The following BCLAF1 variants were observed in gnomAD, a reference collection of about 807,000 sequenced individuals.
BCLAF1 encodes the protein bcl-2-associated transcription factor 1.
A neutral mutation model predicts 99.5 loss-of-function variants in BCLAF1; 10 were observed. That is an observed-to-expected ratio of 0.10 (90% CI 0.06 to 0.17). The LOEUF (loss-of-function observed/expected upper bound fraction) is 0.17, where lower values mean the gene tolerates loss of function less well. Ranked by LOEUF, BCLAF1 falls within the 10% of genes least tolerant of loss-of-function variation. BCLAF1 has a pLI of 1.00. For missense variants in BCLAF1, 636 were observed against 1,105.8 expected, an observed-to-expected ratio of 0.58 and a Z score of 6.02; for synonymous variants, 255 against 370.9, an observed-to-expected ratio of 0.69 and a Z score of 3.59.
Position 136,275,623 on chromosome 6 carries a change from G to A in BCLAF1, c.1761C>T (p.Ser587=), listed in dbSNP as rs773846951. Residue 587 remains serine, a synonymous_variant, in exon 6 of 13, where the codon TCC becomes TCT. Transcript: ENST00000531224. ...HSVKKEQEFR[S]IFDHIKLPQA... The stretch of plus-strand genomic sequence containing the variant: ...GTGGCAACTTAATGTGGTCAAAGAT[G>A]GATCGGAATTCTTGCTCCTTCTTGA... The A allele has an allele frequency of 1.3e-6, 2 of 1,598,252 alleles. No individual in the cohort carries two copies. The highest frequency in any genetic ancestry group is 3.4e-4 in the Middle Eastern group (2 of 5,962).
At chr6:136,281,042 A>G (rs718185) in intron 2 of BCLAF1, among the ~76,000 whole-genome samples, 317 of 152,314 alleles carry the variant, frequency 2.1e-3, no homozygotes, top group African/African-American at 7.3e-3. Flanking sequence ...GGAGGTACTA[A>G]GATGAGTTCA....
chr6:136,288,341 T>C (rs1785447043), intron 1 of BCLAF1, among the ~76,000 whole-genome samples: 1 of 152,070 alleles, frequency 6.6e-6, no homozygotes, highest in South Asian at 2.1e-4. Flanking sequence ...AGCCTCAAAC[T>C]CCCGCCGAGG....
Position 136,256,722 on chromosome 6 carries a change from T to C in BCLAF1, c.*4388A>G, listed in dbSNP as rs1476315770. The C allele has an allele frequency of 6.5e-6, 1 of 154,052 alleles. No homozygotes were observed. The highest frequency in any genetic ancestry group is 1.9e-4 in the East Asian group (1 of 5,220). 9.5% of individuals were successfully genotyped at this position (154,052 alleles called of 1,614,324 possible). A position where few individuals can be genotyped will look rare whatever the true frequency, so the allele number is the denominator to read the frequency against. On this transcript the variant is annotated 3_prime_UTR_variant, in exon 13 of 13. Transcript: ENST00000531224. ...AAATAAATAAATAATTCAAAGTGCA[T>C]TTAACATTCTTTTTCACGGCCACCT...
chr6:136,281,438 A>T (rs1784372554), intron 2 of BCLAF1, among the ~76,000 whole-genome samples: 1 of 152,188 alleles, frequency 6.6e-6, no homozygotes, highest in African/African-American at 2.4e-5. Flanking sequence ...GGCCACGGGG[A>T]ACTGTGACAT....
rs1469956843 is a variant in BCLAF1 at position 136,258,629 on chromosome 6, G to A, written c.*2481C>T. ...TATTGGCGTATGACAATTTACAAGG[G>A]TCCCTGTTGCATCATTATACATCAC... On this transcript the variant is annotated 3_prime_UTR_variant, in exon 13 of 13. Coordinates refer to ENST00000531224, the MANE Select transcript of BCLAF1 (RefSeq NM_014739.3). 6.6e-6 allele frequency: 1 copy of A among 152,400 alleles called. No individual in the cohort carries two copies. The highest frequency in any genetic ancestry group is 1.5e-5 in the Non-Finnish European group (1 of 67,894). The allele number at this position is 152,400 out of a possible 1,614,324, so 9.4% of individuals were successfully genotyped here.
intron 9 of BCLAF1, chr6:136,269,231 C>T (rs1388974803): frequency 2.8e-5 from 40 of 1,451,480 alleles, no homozygotes; most frequent in Admixed American, 1.3e-4. Flanking sequence ...TTTTTTTTTT[C>T]AGTGTTAGCT....
rs1319819221 is a variant in BCLAF1 at position 136,258,921 on chromosome 6, C to T, written c.*2189G>A. ...ATCCTTTGGTTCATTTTTATTGCCC[C>T]TCTCTAGGCAAAACAAAGTATGTTA... is the stretch of plus-strand genomic sequence containing the variant. On this transcript the variant is annotated 3_prime_UTR_variant, in exon 13 of 13. Coordinates refer to ENST00000531224, the MANE Select transcript of BCLAF1 (RefSeq NM_014739.3). 1 of 152,422 alleles carries T rather than the reference C, an allele frequency of 6.6e-6. No homozygotes were observed. The highest frequency in any genetic ancestry group is 1.9e-4 in the East Asian group (1 of 5,196). The allele number at this position is 152,422 out of a possible 1,614,324, so 9.4% of individuals were successfully genotyped here.
At chr6:136,280,814 T>A (rs1259918721) in intron 2 of BCLAF1, among the ~76,000 whole-genome samples, 1 of 151,558 alleles carries the variant, frequency 6.6e-6, no homozygotes, top group Admixed American at 6.6e-5. Flanking sequence ...ATGATTAGAT[T>A]ATATCTTAGC....
At chr6:136,277,693 C>T (rs1783620930) in intron 4 of BCLAF1, among the ~76,000 whole-genome samples, 172 bp downstream of exon 4, 1 of 151,946 alleles carries the variant, frequency 6.6e-6, no homozygotes, top group South Asian at 2.1e-4. Context: ...CACTTAGCTT[C>T]CAAAGTTCAC....
Position 136,276,206 on chromosome 6 carries a change from G to C in BCLAF1, c.1319C>G (p.Ser440Cys). The change falls in exon 5 of 13, where the codon TCC becomes TGC. Residue 440 changes from serine to cysteine, a missense_variant. By Grantham distance (112) the Ser-to-Cys change is moderately radical (BLOSUM62 -1). This residue lies in a region of BCLAF1 where 186 missense variants were observed against 275.3 expected (regional missense o/e 0.68). Coordinates refer to ENST00000531224, the MANE Select transcript of BCLAF1 (RefSeq NM_014739.3). ...TCTATTGCCTTTCAGTGAAACTTTG[G>C]ACTTGTACTTGAGTCCTTCCTCCTC... ...NTEEEGLKYK[S>C]KVSLKGNRES... 1 of 1,608,494 alleles carries C rather than the reference G, an allele frequency of 6.2e-7. No homozygotes were observed.
intron 2 of BCLAF1, among the ~76,000 whole-genome samples, chr6:136,281,894 T>C (rs994029616): frequency 6.6e-6 from 1 of 152,232 alleles, no homozygotes; most frequent in Admixed American, 6.5e-5. Context: ...AACCTGGACA[T>C]TTTTTAAAGC....
intron 7 of BCLAF1, among the ~76,000 whole-genome samples, chr6:136,272,787 G>A (rs78281443): frequency 0.028 from 4,304 of 151,810 alleles, 135 homozygotes; most frequent in African/African-American, 0.079. Flanking sequence ...CTAGAAATTC[G>A]AAGGTAACTC....
intron 11 of BCLAF1, among the ~76,000 whole-genome samples, chr6:136,264,921 T>C (rs934525106): frequency 1.3e-5 from 2 of 152,160 alleles, no homozygotes; most frequent in Non-Finnish European, 2.9e-5. Flanking sequence ...GCTAAATTCT[T>C]AAAATAAGAC....
chr6:136,263,712 C>T (rs2128467031), intron 11 of BCLAF1, among the ~76,000 whole-genome samples: 1 of 152,234 alleles, frequency 6.6e-6, no homozygotes, highest in African/African-American at 2.4e-5. Flanking sequence ...CCCTTCCCCA[C>T]CAACGATTTT....
intron 11 of BCLAF1, among the ~76,000 whole-genome samples, chr6:136,262,340 C>A (rs1781119786): frequency 6.6e-6 from 1 of 151,936 alleles, no homozygotes; most frequent in Non-Finnish European, 1.5e-5. Flanking sequence ...AGCAAAATGC[C>A]CCTTTATTAG....
chr6:136,268,625 T>C (rs1373779193), intron 9 of BCLAF1: 3 of 279,658 alleles, frequency 1.1e-5, no homozygotes, highest in South Asian at 4.2e-5. Flanking sequence ...AATTAAGTTA[T>C]GTCTTTTATT....
intron 11 of BCLAF1, among the ~76,000 whole-genome samples, chr6:136,263,048 G>A (rs1781236037): frequency 6.6e-6 from 1 of 152,134 alleles, no homozygotes; most frequent in African/African-American, 2.4e-5. Context: ...TTTCTATAGT[G>A]TGTAATATGG....
intron 6 of BCLAF1, chr6:136,273,556 C>T (rs751362771): frequency 1.8e-5 from 3 of 163,312 alleles, no homozygotes; most frequent in Non-Finnish European, 4.0e-5. Context: ...TAATCATTTG[C>T]AGAAAACAAA....
Position 136,278,204 on chromosome 6 carries a change from G to T in BCLAF1, c.677C>A (p.Pro226His), listed in dbSNP as rs1783763545. The part of the protein sequence containing the change: ...LSAYDNSPRS[P>H]HSPSPIATPP... Reference sequence around the variant, plus strand: ...TGTAGCAATAGGTGAAGGACTATGGGGTGATCTAGGACTATTATCATAAGC... The same window carrying T: ...TGTAGCAATAGGTGAAGGACTATGGTGTGATCTAGGACTATTATCATAAGC... The change falls in exon 4 of 13, where the codon CCC (proline) becomes CAC (histidine). Residue 226 changes from proline to histidine, a missense_variant. This residue lies in a region of BCLAF1 where 65 missense variants were observed against 90.9 expected (regional missense o/e 0.71). Coordinates refer to ENST00000531224, the MANE Select transcript of BCLAF1 (RefSeq NM_014739.3). 1 of 1,614,132 alleles carries T rather than the reference G, an allele frequency of 6.2e-7. No homozygotes were observed. The highest frequency in any genetic ancestry group is 8.5e-7 in the Non-Finnish European group (1 of 1,179,994).
Sources: allele counts gnomAD v4.1 joint callset (sites outside exome capture counted in the v4.1 genomes callset), GRCh38; gene constraint gnomAD v4.1.1; regional missense constraint gnomAD v4.1.1; transcripts MANE v1.5; gene names NCBI Gene and HGNC (gene_info 2026-07-23, HGNC 2026-07-21).